The following NSD2 variants were observed in gnomAD, a reference collection of about 807,000 sequenced individuals.
NSD2 encodes the protein histone-lysine N-methyltransferase NSD2.
Under a neutral mutation model 139.0 loss-of-function variants are expected in NSD2, and 12 were observed. The ratio of observed to expected loss-of-function variants is 0.09; its 90% CI spans 0.06 to 0.14. The LOEUF (loss-of-function observed/expected upper bound fraction) is 0.14, where lower values mean the gene tolerates loss of function less well. Ranked by LOEUF, NSD2 falls within the 10% of genes least tolerant of loss-of-function variation. The pLI is 1.00. For missense variants in NSD2, 1,155 were observed against 1,745.0 expected (o/e 0.66, Z 6.02); for synonymous variants, 669 against 648.7 (o/e 1.03, Z -0.48).
chr4:1,933,397 T>C (rs1170427035), intron 6 of NSD2, among the ~76,000 whole-genome samples: 1 of 152,206 alleles, frequency 6.6e-6, no homozygotes, highest in Non-Finnish European at 1.5e-5. Context: ...AAGATGTTTT[T>C]TTTCTTTGAG....
At chr4:1,967,891 G>A (rs1230769431) in intron 18 of NSD2, among the ~76,000 whole-genome samples, 1 of 152,094 alleles carries the variant, frequency 6.6e-6, no homozygotes, top group African/African-American at 2.4e-5. Flanking sequence ...AGGAATTAGG[G>A]AGGGATAAGG....
chr4:1,939,170 A>C (rs1722807067), intron 8 of NSD2: 1 of 158,244 alleles, frequency 6.3e-6, no homozygotes, highest in Non-Finnish European at 1.4e-5. Context: ...GAGGTGCTTG[A>C]CTGGCTTTTA....
At chr4:1,945,125 G>A (rs1233321457) in intron 9 of NSD2, 27 of 1,066,356 alleles carry the variant, frequency 2.5e-5, no homozygotes, top group Non-Finnish European at 2.8e-5. Flanking sequence ...AGAGGTCCCC[G>A]CAGCTCTAGG....
chr4:1,881,999 A>G (rs569257565), intron 1 of NSD2, among the ~76,000 whole-genome samples: 4 of 152,278 alleles, frequency 2.6e-5, no homozygotes, highest in African/African-American at 9.6e-5. Flanking sequence ...AAGTTCTTTT[A>G]GGTCCTGTTA....
In NSD2 at chr4:1,976,266, G is replaced by T; in HGVS notation, c.3622-209G>T. ...CAGGCTTCCGACAAAGCTCACTCTA[G>T]TCGTAGTCTTTGTTCAGCTTTTTCA... On this transcript the variant is annotated intron_variant, in intron 20 of 21. Coordinates refer to ENST00000508803, the MANE Select transcript of NSD2 (RefSeq NM_001042424.3). This position sits in a 1 kb window ranked among gnomAD's most constrained non-coding sequence, Gnocchi z 5.3. The T allele has an allele frequency of 1.7e-6, 1 of 594,956 alleles. No individual in the cohort carries two copies. The highest frequency in any genetic ancestry group is 3.0e-6 in the Non-Finnish European group (1 of 335,006). 36.9% of individuals were successfully genotyped at this position (594,956 alleles called of 1,614,324 possible). A position where few individuals can be genotyped will look rare whatever the true frequency, so the allele number is the denominator to read the frequency against.
intron 1 of NSD2, among the ~76,000 whole-genome samples, chr4:1,898,737 T>C (rs1322322554): frequency 1.3e-5 from 2 of 151,414 alleles, no homozygotes; most frequent in African/African-American, 4.9e-5. Flanking sequence ...TTTCAGTTAT[T>C]TCATAAACTA....
chr4:1,886,551 G>T (rs1043986443), intron 1 of NSD2, among the ~76,000 whole-genome samples: 4 of 152,108 alleles, frequency 2.6e-5, no homozygotes, highest in Non-Finnish European at 4.4e-5. Flanking sequence ...GTAACTTGCG[G>T]CTGGGCGCGG....
In NSD2 at chr4:1,948,220, C is replaced by T. The variant is rs1723837771; in HGVS notation, c.1882-2852C>T. On this transcript the variant is annotated intron_variant, in intron 9 of 21. Transcript: ENST00000508803. This position sits in a 1 kb window ranked among gnomAD's most constrained non-coding sequence, Gnocchi z 4.5. The stretch of plus-strand genomic sequence containing the variant: ...TGCCGCAGCATGGCTGTGGTGGACG[C>T]GGGAAACAACGGGAAAGTTCTTGAC... 16 of 1,063,930 alleles carry T rather than the reference C, an allele frequency of 1.5e-5. No individual in the cohort carries two copies. The highest frequency in any genetic ancestry group is 9.1e-5 in the South Asian group (2 of 21,952). The allele number at this position is 1,063,930 out of a possible 1,614,324, so 65.9% of individuals were successfully genotyped here. A position where few individuals can be genotyped will look rare whatever the true frequency, so the allele number is the denominator to read the frequency against.
chr4:1,879,461 C>T (rs1000048675), intron 1 of NSD2, among the ~76,000 whole-genome samples: 5 of 152,110 alleles, frequency 3.3e-5, no homozygotes, highest in Admixed American at 1.3e-4. Flanking sequence ...CCTTGTGATC[C>T]GCCCGCCTCG....
chr4:1,909,269 C>G (rs185083960), intron 3 of NSD2, among the ~76,000 whole-genome samples: 8 of 152,150 alleles, frequency 5.3e-5, no homozygotes, highest in African/African-American at 7.2e-5. Flanking sequence ...ACCACCCCCC[C>G]CAACCCTAGC....
intron 21 of NSD2, 108 bp from the exon 22 acceptor site, chr4:1,978,530 T>C: frequency 6.8e-7 from 1 of 1,466,412 alleles, no homozygotes; most frequent in Non-Finnish European, 9.2e-7. Flanking sequence ...GAGCCAGCAC[T>C]ATTTTGTGTT....
Position 1,955,415 on chromosome 4 carries a change from C to G in NSD2, c.2518+75C>G. The G allele has an allele frequency of 6.7e-7, 1 of 1,499,992 alleles. No individual in the cohort carries two copies. The highest frequency in any genetic ancestry group is 8.9e-7 in the Non-Finnish European group (1 of 1,118,118). 92.9% of individuals were successfully genotyped at this position (1,499,992 alleles called of 1,614,324 possible). ...GCCACATATCAAGGCAGGCTCATTC[C>G]TTGTCTGCGCTGTGTTCATTGATGT... On this transcript the variant is annotated intron_variant, in intron 13 of 21. Transcript: ENST00000508803. This position sits in a 1 kb window ranked among gnomAD's most constrained non-coding sequence, Gnocchi z 4.7.
In NSD2 at chr4:1,956,747, A is replaced by C. The variant is rs17132093; in HGVS notation, c.2881+559A>C. 0.016 allele frequency among the ~76,000 whole-genome samples: 2,369 copies of C among 152,286 alleles called. 23 individuals carry two copies. Among genetic ancestry groups the C allele is most frequent in the South Asian group, 0.032 (153 of 4,824 alleles). On this transcript the variant is annotated intron_variant, in intron 15 of 21. Transcript: ENST00000508803. The surrounding 1 kb of genome is among the most constrained non-coding windows in gnomAD (Gnocchi z 5.3). ...ACTGGTATTTATGATCGGTCAAGAG[A>C]GAATGAGGCCAGTAGAGAAAACCCG...
intron 15 of NSD2, 43 bp from the exon 16 acceptor site, chr4:1,957,890 T>G: frequency 1.3e-6 from 2 of 1,558,638 alleles, no homozygotes; most frequent in African/African-American, 1.4e-5. Context: ...GGTAGTTACC[T>G]GTATTTACTA....
In NSD2 at chr4:1,952,233, C is replaced by T; in HGVS notation, c.2137+2C>T. 1.2e-5 allele frequency: 20 copies of T among 1,613,438 alleles called. No individual in the cohort carries two copies. The highest frequency in any genetic ancestry group is 1.6e-5 in the Non-Finnish European group (19 of 1,179,916). On this transcript the variant is annotated splice_donor_variant, in intron 11 of 21. Transcript: ENST00000508803. LOFTEE classifies it low-confidence loss of function (GC_TO_GT_DONOR). Reference sequence around the variant, plus strand: ...TCACCTGCAGCGAGTGTGCCTCAGGCAAGTTCCCACGGGCGGGCAGCTCTG... The same window carrying T: ...TCACCTGCAGCGAGTGTGCCTCAGGTAAGTTCCCACGGGCGGGCAGCTCTG...
chr4:1,893,220 C>T (rs1207403841), intron 1 of NSD2, among the ~76,000 whole-genome samples: 1 of 152,218 alleles, frequency 6.6e-6, no homozygotes, highest in East Asian at 1.9e-4. Flanking sequence ...CCAATCCCAG[C>T]ACTTTGGGAG....
At chr4:1,925,192 G>A (rs1024644952) in intron 5 of NSD2, among the ~76,000 whole-genome samples, 4 of 151,794 alleles carry the variant, frequency 2.6e-5, no homozygotes, top group Non-Finnish European at 4.4e-5. Flanking sequence ...TTTATTTTTC[G>A]GGAGTGCTGG....
chr4:1,917,169 C>G, intron 4 of NSD2, 132 bp downstream of exon 4: 1 of 1,012,704 alleles, frequency 9.9e-7, no homozygotes, highest in African/African-American at 1.6e-5. Flanking sequence ...TCATTGTTGA[C>G]TTTTGCCCAA....
intron 3 of NSD2, among the ~76,000 whole-genome samples, chr4:1,905,128 C>T (rs986542255): frequency 1.1e-4 from 17 of 150,980 alleles, no homozygotes; most frequent in African/African-American, 3.4e-4. Flanking sequence ...GAAACTCTGT[C>T]TCACAAAAAA....
Sources: gnomAD v4.1 joint callset for allele counts (sites outside exome capture counted in the v4.1 genomes callset) on GRCh38, gnomAD v4.1.1 for gene constraint, Gnocchi (gnomAD v3.1) non-coding constraint, MANE v1.5 for transcripts, NCBI Gene and HGNC (gene_info 2026-07-23, HGNC 2026-07-21) for gene names.